MERTK: variants seen among roughly 807,000 people sequenced by gnomAD.
The protein encoded by MERTK is MER proto-oncogene, tyrosine kinase.
Under a neutral mutation model 99.3 loss-of-function variants are expected in MERTK, and 69 were observed. The ratio of observed to expected loss-of-function variants is 0.70; its 90% CI spans 0.57 to 0.85. The LOEUF is 0.85. Among genes scored for constraint, MERTK ranks in the 40% least tolerant of loss-of-function variants. The pLI, the probability that MERTK is intolerant of heterozygous loss-of-function variation, is 0.00. For missense variants in MERTK, 1,125 were observed against 1,249.4 expected, an observed-to-expected ratio of 0.90 and a Z score of 1.50; for synonymous variants, 426 against 467.6, an observed-to-expected ratio of 0.91 and a Z score of 1.15.
chr2:112,019,308 C>G (rs1414547530), intron 15 of MERTK, 105 bp from the exon 16 acceptor site: 4 of 836,062 alleles, frequency 4.8e-6, no homozygotes, highest in Admixed American at 1.7e-5. Flanking sequence ...TATTTCATCA[C>G]TACACTGTAA....
chr2:111,915,249 A>G (rs1470153441), intron 1 of MERTK, among the ~76,000 whole-genome samples: 1 of 152,192 alleles, frequency 6.6e-6, no homozygotes, highest in South Asian at 2.1e-4. Flanking sequence ...TATTCCTGAT[A>G]TTAACAATTT....
chr2:112,008,422 G>C lies in MERTK; in HGVS notation c.1907G>C (p.Ser636Thr), dbSNP rs768404989. Residue 636 changes from serine to threonine, a missense_variant, in exon 14 of 19, where the codon AGT becomes ACT. Coordinates refer to ENST00000295408, the MANE Select transcript of MERTK (RefSeq NM_006343.3). ...CAGCGGGAGATCGAGGAGTTTCTCA[G>C]TGAGGCAGCGTGCATGAAAGACTTC... ...SSQREIEEFL[S>T]EAACMKDFSH... 1 of 1,614,146 alleles carries C rather than the reference G, an allele frequency of 6.2e-7. No homozygotes were observed. The highest frequency in any genetic ancestry group is 8.5e-7 in the Non-Finnish European group (1 of 1,180,016).
chr2:111,983,999 G>T (rs902755814), intron 8 of MERTK, among the ~76,000 whole-genome samples: 5 of 152,180 alleles, frequency 3.3e-5, no homozygotes, highest in African/African-American at 1.2e-4. Flanking sequence ...TTTATGATAA[G>T]AAATTGACTC....
intron 17 of MERTK, among the ~76,000 whole-genome samples, chr2:112,021,963 G>A (rs1472036781): frequency 6.6e-6 from 1 of 151,722 alleles, no homozygotes; most frequent in Non-Finnish European, 1.5e-5. Context: ...CCCTTGACCC[G>A]AGATAAGGAA....
intron 6 of MERTK, among the ~76,000 whole-genome samples, chr2:111,972,901 G>A (rs1307888449): frequency 3.9e-5 from 6 of 152,182 alleles, no homozygotes; most frequent in Non-Finnish European, 8.8e-5. Context: ...TGTATTCCCA[G>A]TTTTTGAAGG....
Position 111,907,087 on chromosome 2 carries a change from C to T in MERTK, c.61+8291C>T, listed in dbSNP as rs536917183. Among the ~76,000 whole-genome samples the T allele has an allele frequency of 3.3e-5, 5 of 152,204 alleles. No individual in the cohort carries two copies. In the South Asian group the frequency reaches 6.2e-4, roughly 19 times the overall value. On this transcript the variant is annotated intron_variant, in intron 1 of 18. Transcript: ENST00000295408. ...ACTTTCTTAGACATCAGCCCAGAAACGGAGATGGAGGCTGTGTGAAGAGTT... is the reference window on the plus strand; with the variant it reads ...ACTTTCTTAGACATCAGCCCAGAAATGGAGATGGAGGCTGTGTGAAGAGTT...
chr2:111,924,668 C>T (rs1290395680), intron 1 of MERTK, among the ~76,000 whole-genome samples: 4 of 152,182 alleles, frequency 2.6e-5, no homozygotes, highest in African/African-American at 9.7e-5. Flanking sequence ...CTTCTCCTGC[C>T]TCGACTGGGA....
intron 4 of MERTK, chr2:111,952,628 A>G (rs13393166): frequency 0.063 from 9,622 of 152,246 alleles, 359 homozygotes; most frequent in African/African-American, 0.1. Context: ...CCCACTGTAC[A>G]CACTCATGGA....
At chr2:111,964,043 C>CTTTCTTTTTTTTTT (rs1553451947) in intron 4 of MERTK, among the ~76,000 whole-genome samples, 3 of 103,868 alleles carry the variant, frequency 2.9e-5, no homozygotes, top group East Asian at 2.3e-4. Context: ...AATTTTCTTT[C>CTTTCTTTTTTTTTT]TTTTTTTTTT....
chr2:112,021,438 A>T lies in MERTK; in HGVS notation c.2206A>T (p.Thr736Ser). Reference protein sequence around the residue: ...ARNCMLRDDMTVCVADFGLSK... With the variant: ...ARNCMLRDDMSVCVADFGLSK... ...TCTCTGTAGGTTGCGAGATGACATGACTGTCTGTGTTGCGGACTTCGGCCT... is the reference window on the plus strand; with the variant it reads ...TCTCTGTAGGTTGCGAGATGACATGTCTGTCTGTGTTGCGGACTTCGGCCT... Residue 736 changes from threonine to serine, a missense_variant, in exon 17 of 19, where the codon ACT (threonine) becomes TCT (serine). Transcript: ENST00000295408. 6.2e-7 allele frequency: 1 copy of T among 1,613,394 alleles called. No homozygotes were observed. Among genetic ancestry groups the T allele is most frequent in the Non-Finnish European group, 8.5e-7 (1 of 1,179,852 alleles).
intron 16 of MERTK, chr2:112,020,756 A>G (rs748735192): frequency 2.0e-5 from 9 of 451,852 alleles, no homozygotes; most frequent in Non-Finnish European, 4.1e-5. Context: ...GTCCTGGATC[A>G]GTCCACCAGA....
chr2:111,957,182 C>T (rs1289900429), intron 4 of MERTK, among the ~76,000 whole-genome samples: 4 of 152,018 alleles, frequency 2.6e-5, no homozygotes, highest in Non-Finnish European at 5.9e-5. Context: ...CCGCCTTGGC[C>T]AGTGCTGGGA....
intron 6 of MERTK, among the ~76,000 whole-genome samples, chr2:111,969,689 CTTTT>C (rs35055243): frequency 8.4e-5 from 10 of 119,156 alleles, no homozygotes; most frequent in South Asian, 2.7e-4. Context: ...TCCAGCCTTT[CTTTT>C]TTTTTTTTTT....
chr2:111,968,270 A>C lies in MERTK; in HGVS notation c.960+18A>C. On this transcript the variant is annotated intron_variant, in intron 6 of 18. Coordinates refer to ENST00000295408, the MANE Select transcript of MERTK (RefSeq NM_006343.3). ...GCATTCAGGTAAAGTTCCAGGGTGAAGAGGGAAGTAGCTGTTTGGTGCTCT... is the reference window on the plus strand; with the variant it reads ...GCATTCAGGTAAAGTTCCAGGGTGACGAGGGAAGTAGCTGTTTGGTGCTCT... The C allele has an allele frequency of 6.3e-7, 1 of 1,581,072 alleles. No homozygotes were observed. Among genetic ancestry groups the C allele is most frequent in the Non-Finnish European group, 8.7e-7 (1 of 1,150,074 alleles).
intron 13 of MERTK, among the ~76,000 whole-genome samples, chr2:112,006,938 C>T (rs1206126263): frequency 1.3e-5 from 2 of 152,126 alleles, no homozygotes; most frequent in Non-Finnish European, 2.9e-5. Flanking sequence ...ATAGACACTG[C>T]ATTAGATGCC....
intron 4 of MERTK, among the ~76,000 whole-genome samples, chr2:111,963,897 G>A (rs1388327184): frequency 1.3e-5 from 2 of 151,452 alleles, no homozygotes; most frequent in Non-Finnish European, 2.9e-5. Context: ...ATTAGCCTGG[G>A]GTTTTTTTGT....
At chr2:111,975,534 C>T in intron 7 of MERTK, 62 bp downstream of exon 7, 1 of 1,550,928 alleles carries the variant, frequency 6.4e-7, no homozygotes, top group South Asian at 1.1e-5. Flanking sequence ...CAAACCCTTC[C>T]CAGTGGCCTG....
chr2:111,991,920 G>GA (rs1167279916), intron 8 of MERTK, among the ~76,000 whole-genome samples: 1 of 152,136 alleles, frequency 6.6e-6, no homozygotes, highest in Non-Finnish European at 1.5e-5. Flanking sequence ...CTTTAACGGT[G>GA]AAAGACGGTC....
At chr2:111,977,434 A>G (rs1676275324) in intron 7 of MERTK, among the ~76,000 whole-genome samples, 1 of 152,146 alleles carries the variant, frequency 6.6e-6, no homozygotes, top group Non-Finnish European at 1.5e-5. Context: ...ATCTGTGATC[A>G]TCCTAACTTT....
Sources: allele counts gnomAD v4.1 joint callset (sites outside exome capture counted in the v4.1 genomes callset), GRCh38; gene constraint gnomAD v4.1.1; transcripts MANE v1.5; gene names NCBI Gene and HGNC (gene_info 2026-07-23, HGNC 2026-07-21).